ADCY5: variants seen among roughly 807,000 people sequenced by gnomAD.
ADCY5 encodes the protein adenylate cyclase 5, also known as adenylate cyclase type 5.
ADCY5 carries 30 observed loss-of-function variants against 119.7 expected under a neutral mutation model. The observed-to-expected ratio is 0.25, with a 90% CI of 0.19 to 0.34. The LOEUF is 0.34. Ranked by LOEUF, ADCY5 falls within the 10% of genes least tolerant of loss-of-function variation. The pLI is 1.00. For synonymous variants in ADCY5, 753 were observed against 762.2 expected (o/e 0.99, Z 0.20); for missense variants, 1,324 against 1,775.2 (o/e 0.75, Z 4.57).
intron 1 of ADCY5, among the ~76,000 whole-genome samples, chr3:123,411,286 A>G (rs1355403909): frequency 6.6e-6 from 1 of 152,206 alleles, no homozygotes; most frequent in Non-Finnish European, 1.5e-5. Context: ...CTGAGCAAGT[A>G]TAAGAGCAAA....
intron 1 of ADCY5, among the ~76,000 whole-genome samples, chr3:123,383,401 G>A (rs1252931498): frequency 6.6e-6 from 1 of 152,226 alleles, no homozygotes; most frequent in Non-Finnish European, 1.5e-5. Flanking sequence ...CAAGCGCGAA[G>A]GCCCACTCTC....
intron 1 of ADCY5, among the ~76,000 whole-genome samples, chr3:123,355,861 G>A (rs1943020394): frequency 6.6e-6 from 1 of 152,046 alleles, no homozygotes; most frequent in African/African-American, 2.4e-5. Flanking sequence ...AAATAGTTTT[G>A]AAAAAGATTG....
intron 19 of ADCY5, among the ~76,000 whole-genome samples, chr3:123,287,564 TG>T (rs1012291464): frequency 3.3e-5 from 5 of 152,210 alleles, no homozygotes; most frequent in Admixed American, 3.3e-4. Flanking sequence ...GCCTGTTTCT[TG>T]TGTGTGAAGG....
chr3:123,325,202 T>C, intron 8 of ADCY5, 120 bp downstream of exon 8: 1 of 1,344,500 alleles, frequency 7.4e-7, no homozygotes, highest in Admixed American at 2.3e-5. Context: ...CACTTGTATT[T>C]GCTTGTGTGG....
At chr3:123,385,307 A>G (rs868402826) in intron 1 of ADCY5, among the ~76,000 whole-genome samples, 2 of 151,206 alleles carry the variant, frequency 1.3e-5, no homozygotes, top group African/African-American at 2.4e-5. Context: ...ACACACACAC[A>G]CACGCACGCA....
chr3:123,404,263 C>T (rs1332695382), intron 1 of ADCY5: 3 of 152,200 alleles, frequency 2.0e-5, no homozygotes, highest in South Asian at 2.1e-4. Context: ...ACAAGCACCC[C>T]GAGTGCTGAG....
Position 123,283,749 on chromosome 3 carries a change from A to G in ADCY5, c.*859T>C, listed in dbSNP as rs1053031694. ...CCCTGCTGTGCACAGCTGTTTTCTA[A>G]TATAGAGAATTTACAAAATATAGAA... On this transcript the variant is annotated 3_prime_UTR_variant, in exon 21 of 21. Coordinates refer to ENST00000462833, the MANE Select transcript of ADCY5 (RefSeq NM_183357.3). 6.6e-6 allele frequency: 1 copy of G among 151,936 alleles called. No homozygotes were observed. Among genetic ancestry groups the G allele is most frequent in the East Asian group, 1.9e-4 (1 of 5,190 alleles). The allele number at this position is 151,936 out of a possible 1,614,324, so 9.4% of individuals were successfully genotyped here.
intron 1 of ADCY5, among the ~76,000 whole-genome samples, chr3:123,385,293 GCACA>G (rs59025602): frequency 1.3e-5 from 2 of 150,714 alleles, no homozygotes; most frequent in Non-Finnish European, 3.0e-5. Flanking sequence ...AGACACACAC[GCACA>G]CACACACACA....
intron 1 of ADCY5, among the ~76,000 whole-genome samples, chr3:123,367,519 C>A (rs992574501): frequency 6.6e-6 from 1 of 152,166 alleles, no homozygotes; most frequent in Admixed American, 6.5e-5. Flanking sequence ...TAATTATCCC[C>A]ACTCCCCCAA....
At chr3:123,430,762 A>T (rs186755018) in intron 1 of ADCY5, among the ~76,000 whole-genome samples, 28 of 152,306 alleles carry the variant, frequency 1.8e-4, no homozygotes, top group African/African-American at 6.7e-4. Flanking sequence ...GATGCTTCCC[A>T]GGCCCCAGGT....
rs62262391 is a variant in ADCY5, at chr3:123,386,272, C to G, written c.1135-33691G>C. Among the ~76,000 whole-genome samples, 388 of 143,398 alleles carry G rather than the reference C, an allele frequency of 2.7e-3. 3 individuals are homozygous for G. The highest frequency in any genetic ancestry group is 1.3e-3 in the Non-Finnish European group (85 of 67,370). The allele number at this position is 143,398 out of a possible 152,430, so 94.1% of individuals were successfully genotyped here. A position where few individuals can be genotyped will look rare whatever the true frequency, so the allele number is the denominator to read the frequency against. On this transcript the variant is annotated intron_variant, in intron 1 of 20. Coordinates refer to ENST00000462833, the MANE Select transcript of ADCY5 (RefSeq NM_183357.3). ...ACTGAGCCCTGGCTCCCCTCATCCTCGGCAGAGGCCACCATCCTTAACGTC... is the reference window on the plus strand; with the variant it reads ...ACTGAGCCCTGGCTCCCCTCATCCTGGGCAGAGGCCACCATCCTTAACGTC...
At chr3:123,304,810 C>A (rs554880113) in intron 12 of ADCY5, among the ~76,000 whole-genome samples, 2 of 152,124 alleles carry the variant, frequency 1.3e-5, no homozygotes, top group Admixed American at 6.5e-5. Context: ...ACTCAAAGAC[C>A]CCCTGCAGCT....
chr3:123,373,920 C>T (rs953972718), intron 1 of ADCY5, among the ~76,000 whole-genome samples: 11 of 152,212 alleles, frequency 7.2e-5, no homozygotes, highest in South Asian at 2.1e-4. Flanking sequence ...ATAGGGCTTC[C>T]GCATATTCGA....
chr3:123,327,865 A>G, intron 6 of ADCY5, 106 bp from the exon 7 acceptor site: 3 of 1,329,204 alleles, frequency 2.3e-6, no homozygotes, highest in South Asian at 1.4e-5. Flanking sequence ...CACAATTCAA[A>G]CCCTAGGGCC....
intron 1 of ADCY5, among the ~76,000 whole-genome samples, chr3:123,370,909 C>T (rs1576633107): frequency 6.6e-6 from 1 of 152,094 alleles, no homozygotes; most frequent in Non-Finnish European, 1.5e-5. Flanking sequence ...CACACAAAGC[C>T]AAGGGAAGGC....
At chr3:123,327,029 G>C (rs990296319) in intron 7 of ADCY5, among the ~76,000 whole-genome samples, 1 of 152,202 alleles carries the variant, frequency 6.6e-6, no homozygotes, top group Non-Finnish European at 1.5e-5. Flanking sequence ...GGGAGAAATA[G>C]AAAATGTTCT....
chr3:123,347,709 A>AAGGC (rs2108480822), intron 3 of ADCY5, 73 bp downstream of exon 3: 1 of 1,441,616 alleles, frequency 6.9e-7, no homozygotes, highest in Non-Finnish European at 9.1e-7. Context: ...GCCCACTTGA[A>AAGGC]AGGAAGTGGG....
rs116767108 is a variant in ADCY5, at chr3:123,428,791, C to G, written c.1134+18621G>C. ...TTGGGATACAGATTCCTGGGCTCTA[C>G]TCCAGACTCACTGAATCAGACTCTC... On this transcript the variant is annotated intron_variant, in intron 1 of 20. Transcript: ENST00000462833. Among the ~76,000 whole-genome samples, 884 of 152,326 alleles carry G rather than the reference C, an allele frequency of 5.8e-3. 12 individuals are homozygous for G. Among genetic ancestry groups the G allele is most frequent in the African/African-American group, 0.02 (847 of 41,560 alleles).
At chr3:123,385,293 G>GCACACA (rs59025602) in intron 1 of ADCY5, among the ~76,000 whole-genome samples, 1 of 150,714 alleles carries the variant, frequency 6.6e-6, no homozygotes, top group Non-Finnish European at 1.5e-5. Context: ...AGACACACAC[G>GCACACA]CACACACACA....
Sources: gnomAD v4.1 joint callset for allele counts (sites outside exome capture counted in the v4.1 genomes callset) on GRCh38, gnomAD v4.1.1 for gene constraint, MANE v1.5 for transcripts, NCBI Gene and HGNC (gene_info 2026-07-23, HGNC 2026-07-21) for gene names.